KLHL14: variants seen among roughly 807,000 people sequenced by gnomAD.
KLHL14 encodes kelch like family member 14.
KLHL14 carries 22 observed loss-of-function variants against 64.3 expected under a neutral mutation model. The observed-to-expected ratio is 0.34, with a 90% CI of 0.24 to 0.49. The LOEUF is 0.49. Ranked by LOEUF, KLHL14 falls within the 20% of genes least tolerant of loss-of-function variation. The pLI, the probability that KLHL14 is intolerant of heterozygous loss-of-function variation, is 0.99. For missense variants in KLHL14, 661 were observed against 789.0 expected (o/e 0.84, Z 1.94); for synonymous variants, 322 against 333.4 (o/e 0.97, Z 0.37).
At chr18:32,757,638 AT>A (rs1455918348) in intron 2 of KLHL14, among the ~76,000 whole-genome samples, 1 of 152,228 alleles carries the variant, frequency 6.6e-6, no homozygotes, top group African/African-American at 2.4e-5. Flanking sequence ...CTTGAAAAAA[AT>A]ATTTCTTATG....
rs2050181759 is a variant in KLHL14 at position 32,739,046 on chromosome 18, A to G, written c.1069+2882T>C. Reference sequence around the variant, plus strand: ...CACTGAGAAATGTTTGCTCAACATAAGTGGGCAAAGTATGCTGAGATTCAG... The same window carrying G: ...CACTGAGAAATGTTTGCTCAACATAGGTGGGCAAAGTATGCTGAGATTCAG... On this transcript the variant is annotated intron_variant, in intron 3 of 8. Transcript: ENST00000359358. Among the ~76,000 whole-genome samples, 5 of 152,128 alleles carry G rather than the reference A, an allele frequency of 3.3e-5. No homozygotes were observed. In the South Asian group the frequency reaches 1.0e-3, roughly 31 times the overall value.
intron 2 of KLHL14, among the ~76,000 whole-genome samples, chr18:32,750,144 G>T (rs1287590333): frequency 4.6e-5 from 7 of 151,782 alleles, no homozygotes; most frequent in Non-Finnish European, 4.4e-5. Context: ...ACCTCCCAAA[G>T]GTCCCATATC....
In KLHL14 at chr18:32,680,268, C is replaced by T. The variant is rs565569062; in HGVS notation, c.1489G>A (p.Val497Ile). ...TTCATATCTTGTTTTCGAGCCCAGA[C>T]ATCCATTACTGGGTCATAGCAATAT... is the stretch of plus-strand genomic sequence containing the variant. ...WLYCYDPVMD[V>I]WARKQDMNTK... Residue 497 changes from valine to isoleucine, a missense_variant, in exon 7 of 9, where the codon GTC becomes ATC. By Grantham distance (29) the Val-to-Ile change is conservative. Transcript: ENST00000359358. The surrounding 1 kb of genome is among the most constrained non-coding windows in gnomAD (Gnocchi z 4.8). The T allele has an allele frequency of 3.7e-5, 60 of 1,613,922 alleles. No individual in the cohort carries two copies. In the Middle Eastern group the frequency reaches 9.9e-4, roughly 27 times the overall value.
At chr18:32,721,128 C>A (rs73411237) in intron 3 of KLHL14, among the ~76,000 whole-genome samples, 3,378 of 152,308 alleles carry the variant, frequency 0.022, 135 homozygotes, top group African/African-American at 0.077. Flanking sequence ...CGTGGCAGTG[C>A]TCTGAGGCTG....
At position 32,683,544 on chromosome 18, in the gene KLHL14, T is replaced by TG. The variant is rs1021260546; in HGVS notation, c.1239-2946dup. On this transcript the variant is annotated intron_variant, in intron 5 of 8. Coordinates refer to ENST00000359358, the MANE Select transcript of KLHL14 (RefSeq NM_020805.3). The surrounding 1 kb of genome is among the most constrained non-coding windows in gnomAD (Gnocchi z 4.2). ...ATATAAGGTTCAGGCTATTTTATTT[T>TG]GGGGGGAAAGTAAGTTCAAGATTAT... 4.1e-4 allele frequency among the ~76,000 whole-genome samples: 62 copies of TG among 152,266 alleles called. No homozygotes were observed. The highest frequency in any genetic ancestry group is 1.0e-4 in the Non-Finnish European group (7 of 68,020).
At chr18:32,736,472 G>A (rs1483891097) in intron 3 of KLHL14, among the ~76,000 whole-genome samples, 5 of 152,086 alleles carry the variant, frequency 3.3e-5, no homozygotes, top group Non-Finnish European at 7.4e-5. Context: ...CAAGCTAAGA[G>A]AGATCAACTG....
At chr18:32,695,196 C>A (rs536184846) in intron 4 of KLHL14, among the ~76,000 whole-genome samples, 1 of 152,122 alleles carries the variant, frequency 6.6e-6, no homozygotes, top group Non-Finnish European at 1.5e-5. Flanking sequence ...TGGCATTCCT[C>A]AGGGGATGGA....
Position 32,680,149 on chromosome 18 carries a change from C to A in KLHL14, c.1588+20G>T. ...TGCAAATGTTATTGTGACTAAAAAACAAAACAACAAAAAAAAGACCTTTCA... is the reference window on the plus strand; with the variant it reads ...TGCAAATGTTATTGTGACTAAAAAAAAAAACAACAAAAAAAAGACCTTTCA... On this transcript the variant is annotated intron_variant, in intron 7 of 8. Coordinates refer to ENST00000359358, the MANE Select transcript of KLHL14 (RefSeq NM_020805.3). This position sits in a 1 kb window ranked among gnomAD's most constrained non-coding sequence, Gnocchi z 4.8. 2 of 1,610,408 alleles carry A rather than the reference C, an allele frequency of 1.2e-6. No individual in the cohort carries two copies. The highest frequency in any genetic ancestry group is 1.7e-6 in the Non-Finnish European group (2 of 1,177,812).
chr18:32,737,069 T>A (rs2050170049), intron 3 of KLHL14, among the ~76,000 whole-genome samples: 1 of 152,084 alleles, frequency 6.6e-6, no homozygotes, highest in South Asian at 2.1e-4. Context: ...TCTAAATTCT[T>A]CCTAGGCATT....
At chr18:32,753,897 G>A (rs1057001422) in intron 2 of KLHL14, among the ~76,000 whole-genome samples, 1 of 152,182 alleles carries the variant, frequency 6.6e-6, no homozygotes, top group African/African-American at 2.4e-5. Context: ...TTCTTCTGAA[G>A]AGCATAAATT....
chr18:32,743,759 G>A (rs1460020533), intron 2 of KLHL14: 3 of 152,144 alleles, frequency 2.0e-5, no homozygotes, highest in Non-Finnish European at 4.4e-5. Context: ...TTTTGCAAGA[G>A]GGGTTAAGAA....
At chr18:32,676,971 C>T (rs955571486) in intron 8 of KLHL14, among the ~76,000 whole-genome samples, 1 of 152,168 alleles carries the variant, frequency 6.6e-6, no homozygotes, top group Non-Finnish European at 1.5e-5. Flanking sequence ...CCTACTGCAC[C>T]TTGTGATGCT....
In KLHL14 at chr18:32,770,116, G is replaced by A; in HGVS notation, c.476C>T (p.Ser159Leu). The A allele has an allele frequency of 6.2e-7, 1 of 1,614,170 alleles. No individual in the cohort carries two copies. The change falls in exon 2 of 9, where the codon TCG becomes TTG. Residue 159 changes from serine to leucine, a missense_variant. Physicochemically the swap from Ser to Leu is moderately radical, Grantham distance 145 (BLOSUM62 -2). This residue lies in a region of KLHL14 where 331 missense variants were observed against 339.0 expected (regional missense o/e 0.98). Transcript: ENST00000359358. This position sits in a 1 kb window ranked among gnomAD's most constrained non-coding sequence, Gnocchi z 6.7. ...GGGGATGTGCAGGATCTTGCTGACC[G>A]ACAGCACCTCCTCCACCGTGTCCAG... Reference protein sequence around the residue: ...LSLDTVEEVLSVSKILHIPQV... With the variant: ...LSLDTVEEVLLVSKILHIPQV...
At chr18:32,732,006 A>C (rs1165609021) in intron 3 of KLHL14, among the ~76,000 whole-genome samples, 1 of 152,124 alleles carries the variant, frequency 6.6e-6, no homozygotes, top group African/African-American at 2.4e-5. Context: ...GGATCACCTG[A>C]GGTCAGGAGT....
At chr18:32,757,481 G>A (rs780842177) in intron 2 of KLHL14, among the ~76,000 whole-genome samples, 19 of 152,118 alleles carry the variant, frequency 1.2e-4, no homozygotes, top group Admixed American at 2.6e-4. Flanking sequence ...CACAAGGAAC[G>A]TTTTAAACTG....
At chr18:32,700,500 G>C (rs1048143367) in intron 3 of KLHL14, among the ~76,000 whole-genome samples, 1 of 152,176 alleles carries the variant, frequency 6.6e-6, no homozygotes, top group Non-Finnish European at 1.5e-5. Flanking sequence ...TCTTTCCAGA[G>C]ACATTATATA....
rs138088659 is a variant in KLHL14, at chr18:32,729,475, T to C, written c.1069+12453A>G. On this transcript the variant is annotated intron_variant, in intron 3 of 8. Transcript: ENST00000359358. ...TTCCATCACTGTGTACGTAAAGTGCTATTAGCCTGTGCTAGATGATATTTA... is the reference window on the plus strand; with the variant it reads ...TTCCATCACTGTGTACGTAAAGTGCCATTAGCCTGTGCTAGATGATATTTA... Among the ~76,000 whole-genome samples, 7 of 152,356 alleles carry C rather than the reference T, an allele frequency of 4.6e-5. No individual in the cohort carries two copies. In the East Asian group the frequency reaches 9.6e-4, roughly 21 times the overall value.
chr18:32,682,501 T>C (rs959858908), intron 5 of KLHL14, among the ~76,000 whole-genome samples: 1 of 152,152 alleles, frequency 6.6e-6, no homozygotes, highest in Admixed American at 6.6e-5. Context: ...ATGCTGTAGA[T>C]AGATGTTTTT....
intron 3 of KLHL14, among the ~76,000 whole-genome samples, chr18:32,735,218 G>C (rs2050158879): frequency 6.6e-6 from 1 of 152,010 alleles, no homozygotes; most frequent in East Asian, 1.9e-4. Flanking sequence ...TGGACTTTTT[G>C]ACTAACGGCA....
Sources: allele counts gnomAD v4.1 joint callset (sites outside exome capture counted in the v4.1 genomes callset), GRCh38; gene constraint gnomAD v4.1.1; regional missense constraint gnomAD v4.1.1; non-coding constraint Gnocchi (gnomAD v3.1); transcripts MANE v1.5; gene names NCBI Gene and HGNC (gene_info 2026-07-23, HGNC 2026-07-21).